WNK1: variants seen among roughly 807,000 people sequenced by gnomAD.
WNK1 encodes WNK lysine deficient protein kinase 1.
WNK1 carries 38 observed loss-of-function variants against 222.8 expected under a neutral mutation model. The ratio of observed to expected loss-of-function variants is 0.17; its 90% CI spans 0.13 to 0.22. WNK1 has a LOEUF of 0.22. WNK1 is among the 10% of genes least tolerant of loss of function. The pLI is 1.00. For missense variants in WNK1, 2,348 were observed against 2,918.4 expected (o/e 0.80, Z 4.50); for synonymous variants, 1,090 against 1,092.9 (o/e 1.00, Z 0.05).
At position 881,125 on chromosome 12, in the gene WNK1, T is replaced by C; in HGVS notation, c.3111+126T>C. On this transcript the variant is annotated intron_variant, in intron 12 of 27. Transcript: ENST00000315939. ...TTGGAGACCATGTCAAACTAACTTC[T>C]GCATGACTTTTTCTTACAGCAGAAT... 5.5e-6 allele frequency: 7 copies of C among 1,261,650 alleles called. No individual in the cohort carries two copies. In the South Asian group the frequency reaches 7.9e-5, roughly 14 times the overall value. 78.2% of individuals were successfully genotyped at this position (1,261,650 alleles called of 1,614,324 possible).
In WNK1 at chr12:885,250, C is replaced by G. The variant is rs769972562; in HGVS notation, c.4446C>G (p.Ser1482Arg). The change falls in exon 19 of 28, where the codon AGC (serine) becomes AGG (arginine). Residue 1482 changes from serine to arginine, a missense_variant. Coordinates refer to ENST00000315939, the MANE Select transcript of WNK1 (RefSeq NM_018979.4). ...TAGTATCTCAGCAGGCAGCAGGCAG[C>G]ACTACTGTGGGAGCCACATTAACAT... ...PAVVSQQAAGSTTVGATLTSV... is the reference protein window; with the variant it reads ...PAVVSQQAAGRTTVGATLTSV... 6.2e-7 allele frequency: 1 copy of G among 1,614,194 alleles called. No homozygotes were observed. The highest frequency in any genetic ancestry group is 1.1e-5 in the South Asian group (1 of 91,078).
rs767616683 is a variant in WNK1 at position 868,039 on chromosome 12, C to T, written c.2140-3226C>T. ...CCTCCTTCCTGGAAGCCCAAACTCA[C>T]CACTTCCAACCCCTGCTGAGGACTG... On this transcript the variant is annotated intron_variant, in intron 8 of 27. Coordinates refer to ENST00000315939, the MANE Select transcript of WNK1 (RefSeq NM_018979.4). 1.4e-5 allele frequency: 22 copies of T among 1,613,882 alleles called. No homozygotes were observed. In the Admixed American group the frequency reaches 3.7e-4, roughly 27 times the overall value.
At chr12:814,505 A>G (rs1265181287) in intron 2 of WNK1, among the ~76,000 whole-genome samples, 10 of 152,208 alleles carry the variant, frequency 6.6e-5, no homozygotes, top group Admixed American at 6.5e-4. Context: ...ATCACTTAAA[A>G]AATACTTTTA....
At chr12:776,093 G>A (rs1225162330) in intron 1 of WNK1, among the ~76,000 whole-genome samples, 1 of 152,168 alleles carries the variant, frequency 6.6e-6, no homozygotes, top group Non-Finnish European at 1.5e-5. Flanking sequence ...GAGTGAAGTG[G>A]CAGGATCATG....
Position 908,861 on chromosome 12 carries a change from G to GGGGGCC in WNK1, c.*69_*70insGGGGCC. ...ATGCTGAGGGGGTGGGTGGGGGTGG[G>GGGGGCC]AAGTAGCCTATATACTAACTACTAG... is the stretch of plus-strand genomic sequence containing the variant. On this transcript the variant is annotated 3_prime_UTR_variant, in exon 28 of 28. Transcript: ENST00000315939. 2.0e-6 allele frequency: 1 copy of GGGGGCC among 491,844 alleles called. No individual in the cohort carries two copies. Among genetic ancestry groups the GGGGGCC allele is most frequent in the Admixed American group, 2.2e-5 (1 of 46,428 alleles). 30.5% of individuals were successfully genotyped at this position (491,844 alleles called of 1,614,324 possible). A position where few individuals can be genotyped will look rare whatever the true frequency, so the allele number is the denominator to read the frequency against.
At chr12:888,577 G>A (rs1412475239) in intron 20 of WNK1, among the ~76,000 whole-genome samples, 2 of 152,318 alleles carry the variant, frequency 1.3e-5, no homozygotes, top group East Asian at 1.9e-4. Context: ...AGGAAGCTGT[G>A]TGCTTGCGGT....
At chr12:767,070 C>T (rs1379925624) in intron 1 of WNK1, among the ~76,000 whole-genome samples, 1 of 152,160 alleles carries the variant, frequency 6.6e-6, no homozygotes, top group African/African-American at 2.4e-5. Context: ...AGCCACCGTG[C>T]CCGGCCCTAG....
chr12:816,319 G>A (rs912377909), intron 2 of WNK1, among the ~76,000 whole-genome samples: 1 of 152,100 alleles, frequency 6.6e-6, no homozygotes, highest in Non-Finnish European at 1.5e-5. Flanking sequence ...GCCCAGGACA[G>A]AGTGCAGCAG....
At chr12:848,428 G>A in intron 4 of WNK1, among the ~76,000 whole-genome samples, 1 of 146,074 alleles carries the variant, frequency 6.8e-6, no homozygotes. Flanking sequence ...TTAGAAATCA[G>A]AACTTTGATG....
At chr12:881,827 A>G (rs1416043084) in intron 13 of WNK1, 38 bp downstream of exon 13, 1 of 1,613,606 alleles carries the variant, frequency 6.2e-7, no homozygotes, top group East Asian at 2.2e-5. Context: ...TGACTGGTAA[A>G]TAAGACGGTA....
chr12:821,042 G>GTTTTT (rs60880879), intron 2 of WNK1, among the ~76,000 whole-genome samples: 21 of 79,110 alleles, frequency 2.7e-4, no homozygotes, highest in African/African-American at 4.0e-4. Flanking sequence ...AGTTTCTTGA[G>GTTTTT]TTTTTTTTTT....
chr12:827,307 T>G lies in WNK1; in HGVS notation c.1153+45T>G. On this transcript the variant is annotated intron_variant, in intron 3 of 27. Coordinates refer to ENST00000315939, the MANE Select transcript of WNK1 (RefSeq NM_018979.4). This position sits in a 1 kb window ranked among gnomAD's most constrained non-coding sequence, Gnocchi z 4.6. Reference sequence around the variant, plus strand: ...TGGAGCCTGACTGGCTTTCTCACATTCCTTTTATTTAGAATCCTGGCTCTG... The same window carrying G: ...TGGAGCCTGACTGGCTTTCTCACATGCCTTTTATTTAGAATCCTGGCTCTG... 6.6e-7 allele frequency: 1 copy of G among 1,509,962 alleles called. No homozygotes were observed. The highest frequency in any genetic ancestry group is 9.2e-7 in the Non-Finnish European group (1 of 1,085,624). The allele number at this position is 1,509,962 out of a possible 1,614,324, so 93.5% of individuals were successfully genotyped here.
At position 837,436 on chromosome 12, in the gene WNK1, C is replaced by G. The variant is rs897382739; in HGVS notation, c.1311+7276C>G. On this transcript the variant is annotated intron_variant, in intron 4 of 27. Transcript: ENST00000315939. ...TAAAAATACAAAAATTAGCCATGCG[C>G]GGTGGCGGGCGCCTGTAATCCCAGC... Among the ~76,000 whole-genome samples the G allele has an allele frequency of 4.6e-5, 7 of 151,866 alleles. No homozygotes were observed. The South Asian group carries it at 1.5e-3, about 32-fold the overall frequency.
At chr12:866,312 T>C (rs913461907) in intron 8 of WNK1, among the ~76,000 whole-genome samples, 5 of 152,218 alleles carry the variant, frequency 3.3e-5, no homozygotes, top group Non-Finnish European at 7.3e-5. Flanking sequence ...TGAAACTGAA[T>C]TCTTTTAAAA....
chr12:795,762 G>T (rs1345102131), intron 1 of WNK1, among the ~76,000 whole-genome samples: 1 of 152,060 alleles, frequency 6.6e-6, no homozygotes, highest in Non-Finnish European at 1.5e-5. Context: ...CTTGAAGTTT[G>T]CCCATTATAA....
At chr12:832,140 A>G (rs1226572691) in intron 4 of WNK1, among the ~76,000 whole-genome samples, 3 of 152,126 alleles carry the variant, frequency 2.0e-5, no homozygotes, top group Non-Finnish European at 1.5e-5. Context: ...CAGTGGCGCC[A>G]TCTCGGCTCA....
chr12:844,566 C>T (rs1949881027), intron 4 of WNK1, among the ~76,000 whole-genome samples: 1 of 152,152 alleles, frequency 6.6e-6, no homozygotes, highest in African/African-American at 2.4e-5. Context: ...AGGTGGCATG[C>T]ATTTGTGCTT....
rs766411372 is a variant in WNK1, at chr12:896,218, G to A, written c.5731G>A (p.Gly1911Ser). ...ESTLVKPEPN[G>S]ITIPGISSDV... ...TACCTTGGTGAAACCAGAGCCGAAT[G>A]GCATAACCATCCCTGGTATCTCTTC... is the stretch of plus-strand genomic sequence containing the variant. The change falls in exon 24 of 28, where the codon GGC becomes AGC. Residue 1911 changes from glycine (G) to serine (S), a missense_variant. Gly to Ser is a moderately conservative substitution (Grantham distance 56). Around this residue, in one of 13 missense-constraint regions of WNK1, gnomAD observed 1,144 missense variants for 1,273.6 expected, o/e 0.90. Coordinates refer to ENST00000315939, the MANE Select transcript of WNK1 (RefSeq NM_018979.4). 3.0e-5 allele frequency: 48 copies of A among 1,614,068 alleles called. No homozygotes were observed. Among genetic ancestry groups the A allele is most frequent in the Non-Finnish European group, 4.0e-5 (47 of 1,180,038 alleles).
At chr12:879,513 C>CTTTTTTTTTTTTTTTTTTTTTTTTCTTT in intron 10 of WNK1, 60 bp from the exon 11 acceptor site, 2 of 403,028 alleles carry the variant, frequency 5.0e-6, no homozygotes, top group Non-Finnish European at 7.3e-6. Flanking sequence ...GGCAGCCTTG[C>CTTTTTTTTTTTTTTTTTTTTTTTTCTTT]TTTTTTTTTT....
Sources: gnomAD v4.1 joint callset for allele counts (sites outside exome capture counted in the v4.1 genomes callset) on GRCh38, gnomAD v4.1.1 for gene constraint, gnomAD v4.1.1 regional missense constraint, Gnocchi (gnomAD v3.1) non-coding constraint, MANE v1.5 for transcripts, NCBI Gene and HGNC (gene_info 2026-07-23, HGNC 2026-07-21) for gene names.